The following TEAD1 variants were observed in gnomAD, a reference collection of about 807,000 sequenced individuals.
TEAD1 encodes the protein TEA domain transcription factor 1.
In TEAD1, 9 loss-of-function variants were observed where a neutral mutation model predicts 54.9. The ratio of observed to expected loss-of-function variants is 0.16; its 90% CI spans 0.10 to 0.29. TEAD1 has a LOEUF of 0.29. Among genes scored for constraint, TEAD1 ranks in the 10% least tolerant of loss-of-function variants. The pLI, the probability that TEAD1 is intolerant of heterozygous loss-of-function variation, is 1.00. For synonymous variants in TEAD1, 200 were observed against 187.8 expected (o/e 1.07, Z -0.53); for missense variants, 387 against 535.9 (o/e 0.72, Z 2.74).
At chr11:12,759,135 A>T (rs1045749099) in intron 2 of TEAD1, among the ~76,000 whole-genome samples, 3 of 152,148 alleles carry the variant, frequency 2.0e-5, no homozygotes, top group African/African-American at 7.2e-5. Context: ...AGAGCCTTTA[A>T]ATAATCTGAA....
intron 5 of TEAD1, among the ~76,000 whole-genome samples, chr11:12,877,672 G>A (rs1194982349): frequency 3.3e-5 from 5 of 150,738 alleles, no homozygotes; most frequent in African/African-American, 9.8e-5. Flanking sequence ...AAAAAAAAAA[G>A]AAGAAATTAA....
At chr11:12,845,415 A>G (rs988189337) in intron 3 of TEAD1, among the ~76,000 whole-genome samples, 1 of 152,194 alleles carries the variant, frequency 6.6e-6, no homozygotes, top group Non-Finnish European at 1.5e-5. Context: ...CACAGTAGCT[A>G]GAAGTGTTAG....
intron 3 of TEAD1, among the ~76,000 whole-genome samples, chr11:12,812,811 T>G (rs1373817147): frequency 6.6e-6 from 1 of 152,204 alleles, no homozygotes; most frequent in Non-Finnish European, 1.5e-5. Flanking sequence ...TCAGGAACAC[T>G]GAGCCAGAGT....
At chr11:12,726,493 T>C (rs1944316151) in intron 2 of TEAD1, among the ~76,000 whole-genome samples, 1 of 152,160 alleles carries the variant, frequency 6.6e-6, no homozygotes, top group South Asian at 2.1e-4. Flanking sequence ...GTGGCTAATC[T>C]GGGTTGGGAT....
intron 3 of TEAD1, among the ~76,000 whole-genome samples, chr11:12,784,203 G>GA (rs1945626708): frequency 6.6e-6 from 1 of 152,130 alleles, no homozygotes; most frequent in South Asian, 2.1e-4. Flanking sequence ...TGAGGGAGAA[G>GA]ATGAAGATTT....
chr11:12,883,256 T>A, intron 9 of TEAD1, 131 bp downstream of exon 9: 1 of 1,387,196 alleles, frequency 7.2e-7, no homozygotes, highest in Non-Finnish European at 1.0e-6. Context: ...AAAACGGGCC[T>A]AGGAAAGAAT....
Position 12,937,328 on chromosome 11 carries a change from A to G in TEAD1, c.*106A>G, listed in dbSNP as rs2134179742. 1 of 983,524 alleles carries G rather than the reference A, an allele frequency of 1.0e-6. No individual in the cohort carries two copies. Among genetic ancestry groups the G allele is most frequent in the Non-Finnish European group, 1.6e-6 (1 of 638,530 alleles). The allele number at this position is 983,524 out of a possible 1,614,324, so 60.9% of individuals were successfully genotyped here. ...CGACTGACTGTAAACCTCACCACAC[A>G]GGGTGGTGCCCTGGCCCCGAGGTCA... On this transcript the variant is annotated 3_prime_UTR_variant, in exon 13 of 13. Transcript: ENST00000527636.
intron 3 of TEAD1, among the ~76,000 whole-genome samples, chr11:12,850,263 C>G (rs1564963168): frequency 1.3e-5 from 2 of 152,174 alleles, no homozygotes; most frequent in African/African-American, 4.8e-5. Flanking sequence ...TGGGGAAACT[C>G]TGTCTCTACT....
chr11:12,869,071 A>G (rs1947684806), intron 5 of TEAD1, among the ~76,000 whole-genome samples: 1 of 152,180 alleles, frequency 6.6e-6, no homozygotes, highest in Non-Finnish European at 1.5e-5. Flanking sequence ...GTAATTGGGG[A>G]CATGCGGTGG....
chr11:12,819,511 G>A (rs1245599679), intron 3 of TEAD1, among the ~76,000 whole-genome samples: 2 of 151,986 alleles, frequency 1.3e-5, no homozygotes, highest in African/African-American at 2.4e-5. Context: ...GTGTAGTGGC[G>A]CGATCTCGGC....
Position 12,696,054 on chromosome 11 carries a change from G to C in TEAD1, c.-55+20493G>C, listed in dbSNP as rs530143218. 8.5e-5 allele frequency among the ~76,000 whole-genome samples: 13 copies of C among 152,356 alleles called. No homozygotes were observed. In the East Asian group the frequency reaches 2.5e-3, roughly 29 times the overall value. ...AACCAACAAGCAAGCAAGCTACAAA[G>C]AAGACAGTTGCTTGTTATTTGAGGC... On this transcript the variant is annotated intron_variant, in intron 2 of 12. Transcript: ENST00000527636.
chr11:12,696,756 G>A (rs567856242), intron 2 of TEAD1, among the ~76,000 whole-genome samples: 2 of 152,146 alleles, frequency 1.3e-5, no homozygotes, highest in African/African-American at 2.4e-5. Flanking sequence ...GGGAGGCCCC[G>A]TTCAGCAAAG....
intron 2 of TEAD1, among the ~76,000 whole-genome samples, chr11:12,714,252 C>T (rs762221014): frequency 6.6e-6 from 1 of 152,068 alleles, no homozygotes; most frequent in African/African-American, 2.4e-5. Context: ...AGCAGTGGCC[C>T]CAGGGAGTCT....
At chr11:12,800,012 T>C (rs1308233896) in intron 3 of TEAD1, among the ~76,000 whole-genome samples, 11 of 152,190 alleles carry the variant, frequency 7.2e-5, no homozygotes, top group Non-Finnish European at 1.6e-4. Context: ...TTTCTTGATA[T>C]TTTTGGAGTC....
intron 2 of TEAD1, among the ~76,000 whole-genome samples, chr11:12,722,100 G>A: frequency 6.6e-6 from 1 of 152,232 alleles, no homozygotes; most frequent in East Asian, 1.9e-4. Context: ...GGATGAAACA[G>A]TGTCATATTC....
intron 2 of TEAD1, among the ~76,000 whole-genome samples, chr11:12,731,828 T>C (rs1305630988): frequency 6.6e-6 from 1 of 152,200 alleles, no homozygotes; most frequent in Non-Finnish European, 1.5e-5. Flanking sequence ...CTGTCCCCAT[T>C]TCTCTTAGGA....
intron 2 of TEAD1, among the ~76,000 whole-genome samples, chr11:12,723,829 C>G (rs1944260563): frequency 6.6e-6 from 1 of 152,172 alleles, no homozygotes; most frequent in Non-Finnish European, 1.5e-5. Flanking sequence ...CCCACGAAAT[C>G]TTAGAAAGGT....
intron 3 of TEAD1, among the ~76,000 whole-genome samples, chr11:12,840,283 C>T (rs1242405067): frequency 1.4e-4 from 18 of 129,098 alleles, no homozygotes; most frequent in Non-Finnish European, 2.4e-4. Flanking sequence ...AGACCAGAAA[C>T]GAAATCGGGC....
chr11:12,779,469 T>C (rs1225494673), intron 3 of TEAD1, among the ~76,000 whole-genome samples: 3 of 152,302 alleles, frequency 2.0e-5, no homozygotes, highest in South Asian at 2.1e-4. Flanking sequence ...ATGACTAATA[T>C]TGCTAAACCT....
Sources: allele counts gnomAD v4.1 joint callset (sites outside exome capture counted in the v4.1 genomes callset), GRCh38; gene constraint gnomAD v4.1.1; transcripts MANE v1.5; gene names NCBI Gene and HGNC (gene_info 2026-07-23, HGNC 2026-07-21).